Variants in PCSK2 observed in about 807,000 individuals in gnomAD.
PCSK2 encodes proprotein convertase subtilisin/kexin type 2.
PCSK2 carries 14 observed loss-of-function variants against 69.7 expected under a neutral mutation model. The observed-to-expected ratio is 0.20, with a 90% CI of 0.13 to 0.31. PCSK2 has a LOEUF of 0.31. PCSK2 is among the 10% of genes least tolerant of loss of function. The pLI, the probability that PCSK2 is intolerant of heterozygous loss-of-function variation, is 1.00. For synonymous variants in PCSK2, 307 were observed against 320.7 expected, an observed-to-expected ratio of 0.96 and a Z score of 0.46; for missense variants, 544 against 842.5, an observed-to-expected ratio of 0.65 and a Z score of 4.39.
At chr20:17,283,225 T>C (rs1988384805) in intron 2 of PCSK2, among the ~76,000 whole-genome samples, 1 of 152,050 alleles carries the variant, frequency 6.6e-6, no homozygotes. Flanking sequence ...GATAGAGATA[T>C]AAATAAGTAG....
intron 2 of PCSK2, among the ~76,000 whole-genome samples, chr20:17,340,598 T>C (rs1326369294): frequency 6.6e-6 from 1 of 152,212 alleles, no homozygotes; most frequent in Admixed American, 6.5e-5. Context: ...TATCTTGTGT[T>C]TTTTTCCTCT....
intron 1 of PCSK2, among the ~76,000 whole-genome samples, chr20:17,255,956 G>A (rs887409081): frequency 6.6e-6 from 1 of 152,070 alleles, no homozygotes; most frequent in Non-Finnish European, 1.5e-5. Context: ...CTTCATGTCA[G>A]GGTGACACAG....
intron 4 of PCSK2, among the ~76,000 whole-genome samples, chr20:17,366,614 T>C (rs1568620416): frequency 6.6e-6 from 1 of 152,192 alleles, no homozygotes; most frequent in African/African-American, 2.4e-5. Context: ...GATAATCAAA[T>C]ATACAAAAAT....
In PCSK2 at chr20:17,482,823, A is replaced by C. The variant is rs529864723; in HGVS notation, c.*753A>C. 3.2e-4 allele frequency: 49 copies of C among 152,538 alleles called. No homozygotes were observed. Among genetic ancestry groups the C allele is most frequent in the African/African-American group, 1.1e-3 (47 of 41,544 alleles). 9.4% of individuals were successfully genotyped at this position (152,538 alleles called of 1,614,324 possible). On this transcript the variant is annotated 3_prime_UTR_variant, in exon 12 of 12. Transcript: ENST00000262545. The stretch of plus-strand genomic sequence containing the variant: ...TGTTAAAATCCGCTAGAGCAGCCCA[A>C]ATTTTTCTCAGTTTGTATAGAGTTC...
intron 6 of PCSK2, among the ~76,000 whole-genome samples, chr20:17,424,337 G>C (rs2032198284): frequency 6.6e-6 from 1 of 152,146 alleles, no homozygotes; most frequent in Non-Finnish European, 1.5e-5. Context: ...TGACATGTAT[G>C]CTTATGCATA....
chr20:17,415,902 C>T (rs6044798), intron 6 of PCSK2, among the ~76,000 whole-genome samples: 1 of 152,130 alleles, frequency 6.6e-6, no homozygotes, highest in Admixed American at 6.5e-5. Flanking sequence ...TTTGACAAAC[C>T]TGACAAACAC....
intron 2 of PCSK2, 69 bp from the exon 3 acceptor site, chr20:17,358,258 T>C (rs2030274985): frequency 9.9e-7 from 1 of 1,009,912 alleles, no homozygotes; most frequent in Non-Finnish European, 1.6e-6. Flanking sequence ...TTTGGATTCA[T>C]GGAAACAAAT....
chr20:17,282,367 C>T (rs202057200), intron 2 of PCSK2, among the ~76,000 whole-genome samples: 2 of 152,212 alleles, frequency 1.3e-5, no homozygotes, highest in African/African-American at 4.8e-5. Context: ...GGAAGTGGCT[C>T]TTAGTCTGCC....
intron 1 of PCSK2, among the ~76,000 whole-genome samples, chr20:17,240,756 CATCATA>C (rs1986539751): frequency 6.6e-6 from 1 of 152,146 alleles, no homozygotes; most frequent in Admixed American, 6.5e-5. Context: ...TTAGGGGGTA[CATCATA>C]GTTTGAATCC....
intron 7 of PCSK2, among the ~76,000 whole-genome samples, chr20:17,433,812 T>TCTCTCTC (rs774361715): frequency 9.6e-5 from 10 of 104,166 alleles, no homozygotes; most frequent in South Asian, 3.6e-4. Flanking sequence ...TCTCTCTCTC[T>TCTCTCTC]CCCCCCACTT....
intron 1 of PCSK2, among the ~76,000 whole-genome samples, chr20:17,230,803 G>A (rs1986119015): frequency 6.6e-6 from 1 of 152,084 alleles, no homozygotes; most frequent in African/African-American, 2.4e-5. Flanking sequence ...ATTCTTATAA[G>A]ACCATGAACA....
At chr20:17,307,449 T>A (rs571413460) in intron 2 of PCSK2, among the ~76,000 whole-genome samples, 1 of 152,300 alleles carries the variant, frequency 6.6e-6, no homozygotes, top group South Asian at 2.1e-4. Context: ...AACAGCCTGG[T>A]GTGGCCAAAG....
At chr20:17,479,260 G>A (rs3790337) in intron 11 of PCSK2, 146,173 of 1,136,150 alleles carry the variant, frequency 0.13, 9,718 homozygotes, top group East Asian at 0.19. Flanking sequence ...GCTTTTCCCA[G>A]CTTAGGCAGA....
chr20:17,261,898 G>A (rs1297988210), intron 2 of PCSK2, among the ~76,000 whole-genome samples: 1 of 152,158 alleles, frequency 6.6e-6, no homozygotes, highest in East Asian at 1.9e-4. Context: ...ACGATTAAAG[G>A]CGTTGCTCCA....
At chr20:17,242,570 T>C (rs1015668860) in intron 1 of PCSK2, among the ~76,000 whole-genome samples, 1 of 152,226 alleles carries the variant, frequency 6.6e-6, no homozygotes, top group East Asian at 1.9e-4. Context: ...CTACTTTATG[T>C]GTTGGGGTGT....
At chr20:17,273,145 G>A (rs1363812906) in intron 2 of PCSK2, among the ~76,000 whole-genome samples, 2 of 152,068 alleles carry the variant, frequency 1.3e-5, no homozygotes, top group Non-Finnish European at 2.9e-5. Context: ...TTAATAAAGT[G>A]ATTTCCTTTA....
At chr20:17,401,901 G>A (rs142560699) in intron 5 of PCSK2, among the ~76,000 whole-genome samples, 3 of 152,306 alleles carry the variant, frequency 2.0e-5, no homozygotes, top group South Asian at 4.1e-4. Flanking sequence ...CCAGCTCTTA[G>A]AGCCTCATTC....
chr20:17,254,491 A>G (rs997911405), intron 1 of PCSK2, among the ~76,000 whole-genome samples: 5 of 152,200 alleles, frequency 3.3e-5, no homozygotes, highest in Admixed American at 3.3e-4. Flanking sequence ...ATCCATGTTG[A>G]AAATCAATTG....
chr20:17,467,409 T>G (rs1401119002), intron 11 of PCSK2, among the ~76,000 whole-genome samples: 1 of 152,206 alleles, frequency 6.6e-6, no homozygotes, highest in Middle Eastern at 3.2e-3. Flanking sequence ...GTCAGCACAT[T>G]AAGTAAAAAG....
Sources: allele counts gnomAD v4.1 joint callset (sites outside exome capture counted in the v4.1 genomes callset), GRCh38; gene constraint gnomAD v4.1.1; transcripts MANE v1.5; gene names NCBI Gene and HGNC (gene_info 2026-07-23, HGNC 2026-07-21).